The following TRAF2 variants were observed in gnomAD, a reference collection of about 807,000 sequenced individuals.
The protein encoded by TRAF2 is TNF receptor associated factor 2.
TRAF2 carries 6 observed loss-of-function variants against 55.6 expected under a neutral mutation model. The ratio of observed to expected loss-of-function variants is 0.11; its 90% CI spans 0.06 to 0.21. TRAF2 has a LOEUF of 0.21. Ranked by LOEUF, TRAF2 falls within the 10% of genes least tolerant of loss-of-function variation. The pLI is 1.00. For missense variants in TRAF2, 561 were observed against 684.5 expected, an observed-to-expected ratio of 0.82 and a Z score of 2.01; for synonymous variants, 329 against 276.3, an observed-to-expected ratio of 1.19 and a Z score of -1.89.
chr9:136,923,517 A>G (rs1850446150), intron 9 of TRAF2, among the ~76,000 whole-genome samples: 1 of 146,088 alleles, frequency 6.8e-6, no homozygotes, highest in Non-Finnish European at 1.5e-5. Context: ...AGGCTGAGGC[A>G]GGAGAATCGC....
chr9:136,890,912 G>T (rs1249246971), intron 1 of TRAF2, among the ~76,000 whole-genome samples: 2 of 152,110 alleles, frequency 1.3e-5, no homozygotes, highest in African/African-American at 4.8e-5. Context: ...TGCCGGTGGT[G>T]GAGGACGTGC....
chr9:136,909,223 C>T (rs1411820774), intron 5 of TRAF2, among the ~76,000 whole-genome samples: 2 of 12,480 alleles, frequency 1.6e-4, no homozygotes, highest in African/African-American at 1.5e-3. Context: ...TTCCCCAAAG[C>T]GTTGGTGAGA....
At chr9:136,925,577 C>G (rs1850510372) in intron 10 of TRAF2, 106 bp from the exon 11 acceptor site, 1 of 1,186,012 alleles carries the variant, frequency 8.4e-7, no homozygotes, top group African/African-American at 1.5e-5. Context: ...TGGCCTGGGT[C>G]CTGGGATGGC....
rs764179681 is a variant in TRAF2 at position 136,920,451 on chromosome 9, C to T, written c.896C>T (p.Thr299Ile). 6.2e-7 allele frequency: 1 copy of T among 1,613,502 alleles called. No homozygotes were observed. Among genetic ancestry groups the T allele is most frequent in the Non-Finnish European group, 8.5e-7 (1 of 1,179,976 alleles). The change falls in exon 8 of 11, where the codon ACT becomes ATT. Residue 299 changes from threonine (T) to isoleucine (I), a missense_variant. Thr to Ile is a moderately conservative substitution (Grantham distance 89). Transcript: ENST00000247668. ...CGGGAGGTGGAGAGGGTGGCCATGA[C>T]TGCCGAGGCCTGCAGCCGGCAGCAC... ...LNREVERVAM[T>I]AEACSRQHRL...
chr9:136,894,581 G>A (rs1332259181), intron 1 of TRAF2, among the ~76,000 whole-genome samples: 1 of 152,086 alleles, frequency 6.6e-6, no homozygotes, highest in Non-Finnish European at 1.5e-5. Flanking sequence ...GAGAGCAGGG[G>A]GATTGGGGGC....
intron 1 of TRAF2, among the ~76,000 whole-genome samples, chr9:136,894,221 A>G (rs541095419): frequency 3.1e-4 from 47 of 151,066 alleles, no homozygotes; most frequent in African/African-American, 9.7e-4. Context: ...TAATTTTTGT[A>G]TTTTTAGTAG....
chr9:136,890,469 G>A (rs951096467), intron 1 of TRAF2: 2 of 152,336 alleles, frequency 1.3e-5, no homozygotes, highest in Non-Finnish European at 2.9e-5. Context: ...GGTGACCATG[G>A]TGTTCAGTTC....
chr9:136,912,152 C>CTTTTTTTT (rs1180324647), intron 6 of TRAF2, among the ~76,000 whole-genome samples: 2 of 58,302 alleles, frequency 3.4e-5, no homozygotes, highest in South Asian at 7.9e-4. Context: ...GCGTCTGGCC[C>CTTTTTTTT]TTTTTTTTTT....
chr9:136,909,402 A>G (rs942695914), intron 5 of TRAF2, among the ~76,000 whole-genome samples: 2 of 152,088 alleles, frequency 1.3e-5, no homozygotes, highest in East Asian at 3.9e-4. Context: ...GGCCCATGGC[A>G]TCTTTTTTCC....
At chr9:136,910,768 G>T (rs1850085126) in intron 6 of TRAF2, among the ~76,000 whole-genome samples, 1 of 152,240 alleles carries the variant, frequency 6.6e-6, no homozygotes, top group Non-Finnish European at 1.5e-5. Flanking sequence ...ATTTGCTTCT[G>T]TTTAAATATA....
intron 6 of TRAF2, among the ~76,000 whole-genome samples, chr9:136,912,098 C>A (rs1850124737): frequency 1.3e-5 from 2 of 149,380 alleles, no homozygotes. Flanking sequence ...CGTGATCTGC[C>A]CACCTCGGCT....
At chr9:136,898,443 T>C (rs959519438) in intron 1 of TRAF2, 2 of 286,004 alleles carry the variant, frequency 7.0e-6, no homozygotes, top group Admixed American at 1.3e-4. Context: ...TGCGTCTGTG[T>C]CTCTTTGGAG....
Position 136,925,776 on chromosome 9 carries a change from A to G in TRAF2, c.1381A>G (p.Asn461Asp). The G allele has an allele frequency of 6.2e-7, 1 of 1,614,230 alleles. No individual in the cohort carries two copies. The highest frequency in any genetic ancestry group is 8.5e-7 in the Non-Finnish European group (1 of 1,180,036). The change falls in exon 11 of 11, where the codon AAC (asparagine) becomes GAC (aspartate). Residue 461 changes from asparagine (N) to aspartate (D), a missense_variant. Asn to Asp is a conservative substitution (Grantham distance 23, BLOSUM62 1). Transcript: ENST00000247668. ...TTCATCCTCTTTTCAGAGGCCAGTC[A>G]ACGACATGAACATCGCAAGCGGCTG... ...VTSSSFQRPV[N>D]DMNIASGCPL...
chr9:136,917,011 G>A (rs540650932), intron 7 of TRAF2, among the ~76,000 whole-genome samples: 8 of 152,202 alleles, frequency 5.3e-5, no homozygotes, highest in Middle Eastern at 6.8e-3. Context: ...AGCGGCTGTC[G>A]CTGAGCCCTC....
At chr9:136,904,148 T>C (rs1564410874) in intron 4 of TRAF2, among the ~76,000 whole-genome samples, 1 of 152,220 alleles carries the variant, frequency 6.6e-6, no homozygotes, top group Non-Finnish European at 1.5e-5. Context: ...ATTTTTTTCT[T>C]TTCTGGCTTA....
chr9:136,900,677 G>A, intron 4 of TRAF2, 157 bp downstream of exon 4: 1 of 715,584 alleles, frequency 1.4e-6, no homozygotes, highest in Non-Finnish European at 2.6e-6. Flanking sequence ...GCTCCTTAGA[G>A]TATGTCCATT....
At chr9:136,886,478 C>T, upstream of TRAF2, 2 of 1,004,810 alleles carry the variant, frequency 2.0e-6, no homozygotes, top group Non-Finnish European at 1.2e-6. Context: ...GCGGCGGCGG[C>T]GGCGGCGGCG....
At chr9:136,895,833 G>A (rs370556896) in intron 1 of TRAF2, among the ~76,000 whole-genome samples, 2 of 135,842 alleles carry the variant, frequency 1.5e-5, no homozygotes, top group East Asian at 2.1e-4. Flanking sequence ...GTGACAGAGC[G>A]TAAGACTCTG....
Position 136,924,132 on chromosome 9 carries a change from G to C in TRAF2, c.1287+132G>C. ...TGGACCAGGTGTCTGCAGCAGGCAC[G>C]TCACCCTGTGATGCTGTGTCACGCG... On this transcript the variant is annotated intron_variant, in intron 10 of 10. Transcript: ENST00000247668. 3 of 1,122,632 alleles carry C rather than the reference G, an allele frequency of 2.7e-6. No individual in the cohort carries two copies. The South Asian group carries it at 4.6e-5, about 17-fold the overall frequency. 69.5% of individuals were successfully genotyped at this position (1,122,632 alleles called of 1,614,324 possible).
Sources: allele counts gnomAD v4.1 joint callset (sites outside exome capture counted in the v4.1 genomes callset), GRCh38; gene constraint gnomAD v4.1.1; transcripts MANE v1.5; gene names NCBI Gene and HGNC (gene_info 2026-07-23, HGNC 2026-07-21).